The following RBFOX1 variants were observed in gnomAD, a reference collection of about 807,000 sequenced individuals.
The protein encoded by RBFOX1 is RNA binding fox-1 homolog 1, also known as RNA binding protein fox-1 homolog 1.
Under a neutral mutation model 57.7 loss-of-function variants are expected in RBFOX1, and 8 were observed. The ratio of observed to expected loss-of-function variants is 0.14; its 90% CI spans 0.08 to 0.25. The LOEUF is 0.25. Among genes scored for constraint, RBFOX1 ranks in the 10% least tolerant of loss-of-function variants. RBFOX1 has a pLI of 1.00. For missense variants in RBFOX1, 611 were observed against 548.5 expected (o/e 1.11, Z -1.14); for synonymous variants, 326 against 222.4 (o/e 1.47, Z -4.15).
intron 4 of RBFOX1, among the ~76,000 whole-genome samples, chr16:7,294,394 C>G (rs1300767319): frequency 6.6e-6 from 1 of 151,926 alleles, no homozygotes; most frequent in Non-Finnish European, 1.5e-5. Flanking sequence ...CTCTGGGTAC[C>G]TTTTAATTTG....
chr16:6,725,113 C>T lies in RBFOX1; in HGVS notation c.-16+70463C>T, dbSNP rs185835505. ...TCGCCCTTGCTGGAGTGCAGTGGTGCGATCTCGGCTCACTGCAAGCTCTGC... is the reference window on the plus strand; with the variant it reads ...TCGCCCTTGCTGGAGTGCAGTGGTGTGATCTCGGCTCACTGCAAGCTCTGC... On this transcript the variant is annotated intron_variant, in intron 3 of 15. Coordinates refer to ENST00000550418, the MANE Select transcript of RBFOX1 (RefSeq NM_018723.4). Among the ~76,000 whole-genome samples the T allele has an allele frequency of 5.0e-3, 654 of 131,494 alleles. 4 individuals carry two copies. Among genetic ancestry groups the T allele is most frequent in the Middle Eastern group, 0.023 (4 of 174 alleles). 86.3% of individuals were successfully genotyped at this position (131,494 alleles called of 152,430 possible).
At chr16:7,408,126 TG>T (rs2098378307) in intron 4 of RBFOX1, among the ~76,000 whole-genome samples, 1 of 152,200 alleles carries the variant, frequency 6.6e-6, no homozygotes, top group South Asian at 2.1e-4. Flanking sequence ...TCTCACAACA[TG>T]GGGGTCAGAA....
intron 4 of RBFOX1, among the ~76,000 whole-genome samples, chr16:7,324,110 C>T (rs2096580499): frequency 6.6e-6 from 1 of 152,124 alleles, no homozygotes; most frequent in Non-Finnish European, 1.5e-5. Context: ...AAGAGGAAGA[C>T]AGGGCAAGCT....
At chr16:6,542,952 C>T (rs1233821917) in intron 2 of RBFOX1, among the ~76,000 whole-genome samples, 1 of 152,110 alleles carries the variant, frequency 6.6e-6, no homozygotes, top group Non-Finnish European at 1.5e-5. Context: ...TCTGTCTTCA[C>T]AGTGCGGCAT....
At chr16:7,435,066 T>C (rs1256390769) in intron 4 of RBFOX1, among the ~76,000 whole-genome samples, 3 of 152,230 alleles carry the variant, frequency 2.0e-5, no homozygotes, top group Non-Finnish European at 4.4e-5. Flanking sequence ...TCACAACTAA[T>C]GAACCAATAT....
chr16:7,162,951 C>T (rs1050071561), intron 4 of RBFOX1, among the ~76,000 whole-genome samples: 1 of 152,118 alleles, frequency 6.6e-6, no homozygotes, highest in African/African-American at 2.4e-5. Flanking sequence ...CATCACCTGA[C>T]CTAATGACCT....
chr16:7,652,419 C>A (rs1017557836), intron 11 of RBFOX1, among the ~76,000 whole-genome samples: 3 of 152,250 alleles, frequency 2.0e-5, no homozygotes, highest in East Asian at 1.9e-4. Context: ...CATTCTTCTT[C>A]TTATTTGAGA....
At chr16:7,463,830 C>T (rs1370347521) in intron 4 of RBFOX1, among the ~76,000 whole-genome samples, 1 of 152,150 alleles carries the variant, frequency 6.6e-6, no homozygotes, top group Non-Finnish European at 1.5e-5. Context: ...CACTCTATAC[C>T]AGCCACTGAG....
At chr16:7,475,627 G>A (rs1010742396) in intron 4 of RBFOX1, among the ~76,000 whole-genome samples, 3 of 151,930 alleles carry the variant, frequency 2.0e-5, no homozygotes, top group African/African-American at 4.8e-5. Flanking sequence ...GGGCATTCTT[G>A]TAGAGAGAGA....
At chr16:5,580,739 C>T (rs1331875625) in intron 2 of RBFOX1, among the ~76,000 whole-genome samples, 2 of 152,174 alleles carry the variant, frequency 1.3e-5, no homozygotes, top group South Asian at 4.1e-4. Context: ...GGTGGGGACT[C>T]CTACACTTAG....
intron 5 of RBFOX1, among the ~76,000 whole-genome samples, chr16:7,524,197 G>A (rs1350574619): frequency 6.6e-6 from 1 of 152,118 alleles, no homozygotes; most frequent in South Asian, 2.1e-4. Flanking sequence ...CATCCATCTG[G>A]TGGCCTCCAA....
chr16:6,656,197 C>A (rs1016017824), intron 3 of RBFOX1, among the ~76,000 whole-genome samples: 2 of 152,152 alleles, frequency 1.3e-5, no homozygotes, highest in Non-Finnish European at 2.9e-5. Context: ...CGAATCATTC[C>A]GCTCATGTCA....
chr16:6,606,397 C>G (rs1302841659), intron 2 of RBFOX1, among the ~76,000 whole-genome samples: 3 of 152,092 alleles, frequency 2.0e-5, no homozygotes, highest in Non-Finnish European at 4.4e-5. Flanking sequence ...GGTACATGTC[C>G]AGGACGTGCA....
At chr16:6,145,050 T>C (rs1429613443) in intron 1 of RBFOX1, among the ~76,000 whole-genome samples, 1 of 152,098 alleles carries the variant, frequency 6.6e-6, no homozygotes, top group African/African-American at 2.4e-5. Flanking sequence ...TTTTTAACTT[T>C]AAAGTTCATG....
chr16:6,170,478 C>T (rs183740009), intron 1 of RBFOX1, among the ~76,000 whole-genome samples: 147 of 152,104 alleles, frequency 9.7e-4, no homozygotes, highest in Non-Finnish European at 1.5e-3. Context: ...CATTGTTATG[C>T]GTAATAAGTG....
intron 2 of RBFOX1, among the ~76,000 whole-genome samples, chr16:6,500,095 A>T (rs890724233): frequency 6.6e-6 from 1 of 152,174 alleles, no homozygotes; most frequent in Non-Finnish European, 1.5e-5. Context: ...TGGTTAAAAA[A>T]CAAGTTGAAG....
At chr16:6,544,109 T>C (rs2153836373) in intron 2 of RBFOX1, among the ~76,000 whole-genome samples, 1 of 152,324 alleles carries the variant, frequency 6.6e-6, no homozygotes, top group Non-Finnish European at 1.5e-5. Flanking sequence ...GGAGAGTATC[T>C]TATCTGTCTT....
intron 13 of RBFOX1, among the ~76,000 whole-genome samples, chr16:7,676,012 T>A (rs183987615): frequency 6.6e-6 from 1 of 152,234 alleles, no homozygotes; most frequent in East Asian, 1.9e-4. Flanking sequence ...CTTTGCTTAA[T>A]TGAACAATTG....
At chr16:7,373,808 C>T (rs569705672) in intron 4 of RBFOX1, among the ~76,000 whole-genome samples, 1 of 152,314 alleles carries the variant, frequency 6.6e-6, no homozygotes, top group Admixed American at 6.5e-5. Flanking sequence ...ATTCACAGAG[C>T]AACTTTTTTC....
Sources: allele counts gnomAD v4.1 joint callset (sites outside exome capture counted in the v4.1 genomes callset), GRCh38; gene constraint gnomAD v4.1.1; transcripts MANE v1.5; gene names NCBI Gene and HGNC (gene_info 2026-07-23, HGNC 2026-07-21).